HIF1AN: variants seen among roughly 807,000 people sequenced by gnomAD.
HIF1AN encodes the protein hypoxia-inducible factor 1-alpha inhibitor.
A neutral mutation model predicts 47.7 loss-of-function variants in HIF1AN; 21 were observed. The observed-to-expected ratio is 0.44, with a 90% CI of 0.31 to 0.63. HIF1AN has a LOEUF of 0.63. Ranked by LOEUF, HIF1AN falls within the 30% of genes least tolerant of loss-of-function variation. The pLI, the probability that HIF1AN is intolerant of heterozygous loss-of-function variation, is 0.07. For synonymous variants in HIF1AN, 152 were observed against 155.9 expected (o/e 0.98, Z 0.18); for missense variants, 320 against 432.7 (o/e 0.74, Z 2.31).
chr10:100,540,595 G>A (rs753740260), intron 2 of HIF1AN, 39 bp from the exon 3 acceptor site: 3 of 1,611,374 alleles, frequency 1.9e-6, no homozygotes, highest in South Asian at 2.2e-5. Context: ...GGGGCTGTGT[G>A]TGCATGCACT....
chr10:100,536,415 C>T lies in HIF1AN; in HGVS notation c.182C>T (p.Pro61Leu), dbSNP rs1319497711. The T allele has an allele frequency of 6.2e-7, 1 of 1,613,896 alleles. No individual in the cohort carries two copies. Among genetic ancestry groups the T allele is most frequent in the South Asian group, 1.1e-5 (1 of 91,050 alleles). ...RAEELIENEE[P>L]VVLTDTNLVY... is the part of the protein sequence containing the mutation. ...TCACCTGTTGTTTTCATTTAGGAGC[C>T]TGTGGTGCTGACCGACACAAATCTT... The change falls in exon 2 of 8, where the codon CCT becomes CTT. Residue 61 changes from proline to leucine, a missense_variant. By Grantham distance (98) the Pro-to-Leu change is moderately conservative. Transcript: ENST00000299163.
At position 100,550,527 on chromosome 10, in the gene HIF1AN, C is replaced by T. The variant is rs1340396940; in HGVS notation, c.*2390C>T. The T allele has an allele frequency of 6.6e-6, 1 of 152,290 alleles. No homozygotes were observed. The highest frequency in any genetic ancestry group is 1.9e-4 in the East Asian group (1 of 5,188). 9.4% of individuals were successfully genotyped at this position (152,290 alleles called of 1,614,324 possible). On this transcript the variant is annotated 3_prime_UTR_variant, in exon 8 of 8. Transcript: ENST00000299163. The stretch of plus-strand genomic sequence containing the variant: ...TTGATTTTCCTTCCTTACCTCCCTC[C>T]TTGTACCACAGGTTCTGTCCTCAAG...
Position 100,540,550 on chromosome 10 carries a change from G to C in HIF1AN, c.429-84G>C. 2.0e-6 allele frequency: 3 copies of C among 1,480,212 alleles called. No homozygotes were observed. The Admixed American group carries it at 6.0e-5, about 30-fold the overall frequency. 91.7% of individuals were successfully genotyped at this position (1,480,212 alleles called of 1,614,324 possible). A position where few individuals can be genotyped will look rare whatever the true frequency, so the allele number is the denominator to read the frequency against. On this transcript the variant is annotated intron_variant, in intron 2 of 7. Transcript: ENST00000299163. ...CTGTGGGAGATGCTGGTATGGATTT[G>C]GGCTTGGATTTTCAGATGTGGAGAG...
intron 6 of HIF1AN, 73 bp from the exon 7 acceptor site, chr10:100,547,066 TG>T: frequency 9.6e-7 from 1 of 1,045,724 alleles, no homozygotes; most frequent in Non-Finnish European, 1.4e-6. Flanking sequence ...GAAGGGAGGA[TG>T]GTACTAAGAA....
At position 100,545,185 on chromosome 10, in the gene HIF1AN, T is replaced by C. The variant is rs1356072561; in HGVS notation, c.723+89T>C. ...GTCTTTCCCCTTCCCCGTAGTGATA[T>C]GCCAGGTTCGGATTACAGGCTGTTC... On this transcript the variant is annotated intron_variant, in intron 4 of 7. Coordinates refer to ENST00000299163, the MANE Select transcript of HIF1AN (RefSeq NM_017902.3). 9.9e-6 allele frequency: 14 copies of C among 1,415,096 alleles called. No individual in the cohort carries two copies. The East Asian group carries it at 2.1e-4, about 21-fold the overall frequency. 87.7% of individuals were successfully genotyped at this position (1,415,096 alleles called of 1,614,324 possible). A position where few individuals can be genotyped will look rare whatever the true frequency, so the allele number is the denominator to read the frequency against.
Position 100,545,108 on chromosome 10 carries a change from T to C in HIF1AN, c.723+12T>C. ...ACAGACAGAGCCAGGTGAGCTTGTG[T>C]GGTCTGAGAAGGGTATAGAACTCTA... On this transcript the variant is annotated intron_variant, in intron 4 of 7. Transcript: ENST00000299163. 1 of 1,613,892 alleles carries C rather than the reference T, an allele frequency of 6.2e-7. No homozygotes were observed. The highest frequency in any genetic ancestry group is 8.5e-7 in the Non-Finnish European group (1 of 1,179,812).
At chr10:100,547,058 A>G in intron 6 of HIF1AN, 82 bp from the exon 7 acceptor site, 1 of 1,015,276 alleles carries the variant, frequency 9.8e-7, no homozygotes, top group Non-Finnish European at 1.5e-6. Flanking sequence ...GTTTCTTAGA[A>G]GGGAGGATGG....
Position 100,559,416 on chromosome 10 carries a change from G to A in HIF1AN, c.*11279G>A, listed in dbSNP as rs929375540. On this transcript the variant is annotated 3_prime_UTR_variant, in exon 8 of 8. Transcript: ENST00000299163. ...ATTTTGGATATGTAACTTTGAAGAG[G>A]TGAATAGTTTGCTCTTTTCTGAGAC... 1.3e-5 allele frequency: 2 copies of A among 152,130 alleles called. No homozygotes were observed. Among genetic ancestry groups the A allele is most frequent in the Admixed American group, 1.3e-4 (2 of 15,274 alleles). 9.4% of individuals were successfully genotyped at this position (152,130 alleles called of 1,614,324 possible).
Position 100,545,994 on chromosome 10 carries a change from G to T in HIF1AN, c.775G>T (p.Val259Phe), listed in dbSNP as rs1258385472. The change falls in exon 5 of 8, where the codon GTT (valine) becomes TTT (phenylalanine). Residue 259 changes from valine (V) to phenylalanine (F), a missense_variant. Val to Phe is a conservative substitution (Grantham distance 50). This residue lies in a region of HIF1AN where 161 missense variants were observed against 272.8 expected (regional missense o/e 0.59). Coordinates refer to ENST00000299163, the MANE Select transcript of HIF1AN (RefSeq NM_017902.3). ...GAGGTTCCCTAATTTCCAAAATGTG[G>T]TTGGTTACGAAACAGTGGTTGGCCC... ...YERFPNFQNV[V>F]GYETVVGPGD... 22 of 1,613,898 alleles carry T rather than the reference G, an allele frequency of 1.4e-5. No homozygotes were observed. The highest frequency in any genetic ancestry group is 2.2e-5 in the East Asian group (1 of 44,884).
Position 100,553,573 on chromosome 10 carries a change from C to G in HIF1AN, c.*5436C>G, listed in dbSNP as rs549219441. On this transcript the variant is annotated 3_prime_UTR_variant, in exon 8 of 8. Coordinates refer to ENST00000299163, the MANE Select transcript of HIF1AN (RefSeq NM_017902.3). ...TGATGAAAGAATTTACATATGGGCT[C>G]CCCCCTGCTTTCCCACTGAAAATCT... 7 of 152,252 alleles carry G rather than the reference C, an allele frequency of 4.6e-5. No individual in the cohort carries two copies. The East Asian group carries it at 7.7e-4, about 17-fold the overall frequency. 9.4% of individuals were successfully genotyped at this position (152,252 alleles called of 1,614,324 possible).
At chr10:100,545,852 T>A in intron 4 of HIF1AN, 91 bp from the exon 5 acceptor site, 1 of 812,428 alleles carries the variant, frequency 1.2e-6, no homozygotes, top group Non-Finnish European at 2.1e-6. Flanking sequence ...TTTGTTTGTT[T>A]GTTTGTTTTT....
In HIF1AN at chr10:100,548,417, G is replaced by T; in HGVS notation, c.*280G>T. The T allele has an allele frequency of 2.4e-6, 1 of 419,224 alleles. No individual in the cohort carries two copies. Among genetic ancestry groups the T allele is most frequent in the Non-Finnish European group, 4.3e-6 (1 of 234,816 alleles). 26.0% of individuals were successfully genotyped at this position (419,224 alleles called of 1,614,324 possible). ...TCAGTGTGTGGAGTCCCAGCTTTTG[G>T]TTGTCATCATGTCTGTGTGTATGTT... is the stretch of plus-strand genomic sequence containing the variant. On this transcript the variant is annotated 3_prime_UTR_variant, in exon 8 of 8. Transcript: ENST00000299163.
Position 100,545,046 on chromosome 10 carries a change from G to C in HIF1AN, c.673G>C (p.Glu225Gln). ...CATCTTATTCCCTCCGGATCAGTTC[G>C]AGTGCCTCTACCCATACCCTGTTCA... Reference protein sequence around the residue: ...RCILFPPDQFECLYPYPVHHP... With the variant: ...RCILFPPDQFQCLYPYPVHHP... Residue 225 changes from glutamate to glutamine, a missense_variant, in exon 4 of 8, where the codon GAG becomes CAG. Transcript: ENST00000299163. 1 of 1,614,198 alleles carries C rather than the reference G, an allele frequency of 6.2e-7. No individual in the cohort carries two copies. Among genetic ancestry groups the C allele is most frequent in the Non-Finnish European group, 8.5e-7 (1 of 1,180,030 alleles).
At chr10:100,536,224 C>T in intron 1 of HIF1AN, 89 bp downstream of exon 1, 1 of 1,376,112 alleles carries the variant, frequency 7.3e-7, no homozygotes, top group Non-Finnish European at 1.0e-6. Context: ...GGGAGACTGG[C>T]AGGGCTCTAG....
At chr10:100,536,338 G>A in intron 1 of HIF1AN, 73 bp from the exon 2 acceptor site, 3 of 1,555,136 alleles carry the variant, frequency 1.9e-6, no homozygotes, top group Non-Finnish European at 2.6e-6. Context: ...AAGTAGTTGG[G>A]ATCATGGAGG....
intron 3 of HIF1AN, among the ~76,000 whole-genome samples, chr10:100,542,854 T>G (rs868813091): frequency 1.2e-4 from 11 of 88,178 alleles, no homozygotes; most frequent in African/African-American, 4.7e-4. Flanking sequence ...GTGTTTTTTT[T>G]TTTTTTTTTT....
chr10:100,539,726 C>G (rs1016298696), intron 2 of HIF1AN, among the ~76,000 whole-genome samples: 1 of 152,172 alleles, frequency 6.6e-6, no homozygotes, highest in African/African-American at 2.4e-5. Context: ...GTGGACATTT[C>G]CTTGGCCAGA....
chr10:100,542,865 T>TG (rs1843055635), intron 3 of HIF1AN, among the ~76,000 whole-genome samples: 1 of 145,686 alleles, frequency 6.9e-6, no homozygotes, highest in African/African-American at 2.5e-5. Context: ...TTTTTTTTTT[T>TG]TTTTCTTTTG....
rs769097013 is a variant in HIF1AN at position 100,544,948 on chromosome 10, C to G, written c.578-3C>G. Reference sequence around the variant, plus strand: ...GCATAAGAAAATGCCTTTCTTCTTACAGGAAATGTGACACCTGCTCACTAT... The same window carrying G: ...GCATAAGAAAATGCCTTTCTTCTTAGAGGAAATGTGACACCTGCTCACTAT... On this transcript the variant is annotated splice_polypyrimidine_tract_variant and splice_region_variant and intron_variant, in intron 3 of 7. Transcript: ENST00000299163. 6.2e-7 allele frequency: 1 copy of G among 1,613,946 alleles called. No individual in the cohort carries two copies.
Sources: gnomAD v4.1 joint callset for allele counts (sites outside exome capture counted in the v4.1 genomes callset) on GRCh38, gnomAD v4.1.1 for gene constraint, gnomAD v4.1.1 regional missense constraint, MANE v1.5 for transcripts, NCBI Gene and HGNC (gene_info 2026-07-23, HGNC 2026-07-21) for gene names.